Variants in ELAPOR1 observed in about 807,000 individuals in gnomAD.
The protein encoded by ELAPOR1 is endosome/lysosome-associated apoptosis and autophagy regulator 1.
In ELAPOR1, 77 loss-of-function variants were observed where a neutral mutation model predicts 119.7. The ratio of observed to expected loss-of-function variants is 0.64; its 90% CI spans 0.54 to 0.78. The LOEUF (loss-of-function observed/expected upper bound fraction) is 0.78. Ranked by LOEUF, ELAPOR1 falls within the 30% of genes least tolerant of loss-of-function variation. The pLI, the probability that ELAPOR1 is intolerant of heterozygous loss-of-function variation, is 0.00. For missense variants in ELAPOR1, 1,115 were observed against 1,270.4 expected, an observed-to-expected ratio of 0.88 and a Z score of 1.86; for synonymous variants, 481 against 487.2, an observed-to-expected ratio of 0.99 and a Z score of 0.17.
At chr1:109,147,813 A>G in intron 1 of ELAPOR1, among the ~76,000 whole-genome samples, 1 of 150,682 alleles carries the variant, frequency 6.6e-6, no homozygotes, top group East Asian at 1.9e-4. Context: ...ACTTTATTTT[A>G]TTATTATTAT....
chr1:109,122,000 C>T (rs983806712), intron 1 of ELAPOR1, among the ~76,000 whole-genome samples: 1 of 151,848 alleles, frequency 6.6e-6, no homozygotes, highest in Non-Finnish European at 1.5e-5. Flanking sequence ...TCTCAAACTC[C>T]TGACCTTGTG....
chr1:109,136,343 G>T (rs1469414952), intron 1 of ELAPOR1, among the ~76,000 whole-genome samples: 1 of 152,176 alleles, frequency 6.6e-6, no homozygotes, highest in Non-Finnish European at 1.5e-5. Flanking sequence ...TTGGAGTTAT[G>T]CTGCCACAAG....
Position 109,204,693 on chromosome 1 carries a change from A to T in ELAPOR1, c.*1681A>T, listed in dbSNP as rs1445832858. ...ACAGAATAAACGTCTAGGCTGGCCA[A>T]AAAAGGAACTGAATCCCAGGCCCAT... On this transcript the variant is annotated 3_prime_UTR_variant, in exon 22 of 22. Coordinates refer to ENST00000369939, the MANE Select transcript of ELAPOR1 (RefSeq NM_020775.5). 1 of 152,324 alleles carries T rather than the reference A, an allele frequency of 6.6e-6. No homozygotes were observed. Among genetic ancestry groups the T allele is most frequent in the African/African-American group, 2.4e-5 (1 of 41,476 alleles). 9.4% of individuals were successfully genotyped at this position (152,324 alleles called of 1,614,324 possible).
chr1:109,159,173 G>T (rs1320687803), intron 1 of ELAPOR1, among the ~76,000 whole-genome samples: 1 of 152,154 alleles, frequency 6.6e-6, no homozygotes, highest in Admixed American at 6.5e-5. Context: ...GGATTACAGC[G>T]TGAGCCACCG....
At chr1:109,165,289 T>C (rs6662767) in intron 3 of ELAPOR1, among the ~76,000 whole-genome samples, 67,003 of 151,670 alleles carry the variant, frequency 0.44, 15,203 homozygotes, top group African/African-American at 0.56. Context: ...CCCTGTCTCA[T>C]TGAAAAACAA....
chr1:109,131,977 G>T (rs989003692), intron 1 of ELAPOR1, among the ~76,000 whole-genome samples: 1 of 152,194 alleles, frequency 6.6e-6, no homozygotes, highest in Admixed American at 6.5e-5. Context: ...AATGTGGTAA[G>T]GAGAAAGATT....
chr1:109,181,003 A>G (rs1293524081), intron 7 of ELAPOR1, among the ~76,000 whole-genome samples: 1 of 152,180 alleles, frequency 6.6e-6, no homozygotes, highest in Non-Finnish European at 1.5e-5. Context: ...TGGTACAGGT[A>G]ACACTCATAA....
intron 7 of ELAPOR1, among the ~76,000 whole-genome samples, chr1:109,184,507 C>G (rs1652930301): frequency 1.3e-5 from 2 of 152,262 alleles, no homozygotes; most frequent in South Asian, 4.1e-4. Context: ...AAGGAAATTT[C>G]CAAGGTGGAA....
chr1:109,131,946 C>G (rs1470047379), intron 1 of ELAPOR1, among the ~76,000 whole-genome samples: 1 of 152,118 alleles, frequency 6.6e-6, no homozygotes, highest in Non-Finnish European at 1.5e-5. Flanking sequence ...AGTTTGAGGC[C>G]AGACTTGGAG....
At chr1:109,133,666 A>T (rs1435694871) in intron 1 of ELAPOR1, among the ~76,000 whole-genome samples, 1 of 152,192 alleles carries the variant, frequency 6.6e-6, no homozygotes, top group East Asian at 1.9e-4. Flanking sequence ...TTTTTAGGCC[A>T]GGGTAATTTT....
chr1:109,129,678 G>C (rs1332676033), intron 1 of ELAPOR1, among the ~76,000 whole-genome samples: 1 of 152,186 alleles, frequency 6.6e-6, no homozygotes, highest in South Asian at 2.1e-4. Flanking sequence ...GCAGCCTCTG[G>C]AGACGGGCTT....
chr1:109,157,856 C>T (rs1650977687), intron 1 of ELAPOR1, among the ~76,000 whole-genome samples: 1 of 152,152 alleles, frequency 6.6e-6, no homozygotes, highest in African/African-American at 2.4e-5. Context: ...AGCATCTAAC[C>T]CATAGATTAC....
intron 1 of ELAPOR1, among the ~76,000 whole-genome samples, chr1:109,148,083 C>A (rs1459481219): frequency 6.6e-6 from 1 of 151,686 alleles, no homozygotes; most frequent in African/African-American, 2.4e-5. Flanking sequence ...GTGATCCACC[C>A]GCCTCGGCCT....
At chr1:109,118,269 G>A (rs1005915249) in intron 1 of ELAPOR1, among the ~76,000 whole-genome samples, 1 of 152,200 alleles carries the variant, frequency 6.6e-6, no homozygotes, top group Non-Finnish European at 1.5e-5. Context: ...GGAGCTTGAC[G>A]AAAGGTCCAC....
Position 109,133,402 on chromosome 1 carries a change from A to G in ELAPOR1, c.153+19066A>G, listed in dbSNP as rs376077100. Among the ~76,000 whole-genome samples the G allele has an allele frequency of 5.9e-4, 90 of 152,348 alleles. 1 individual carries two copies. The East Asian group carries it at 0.012, about 20-fold the overall frequency. On this transcript the variant is annotated intron_variant, in intron 1 of 21. Coordinates refer to ENST00000369939, the MANE Select transcript of ELAPOR1 (RefSeq NM_020775.5). Reference sequence around the variant, plus strand: ...TGTAGTGCTCACAGCCCATGAAAAAAAACATGGGAAAATCATTTAGCAGGC... The same window carrying G: ...TGTAGTGCTCACAGCCCATGAAAAAGAACATGGGAAAATCATTTAGCAGGC...
chr1:109,117,911 C>T (rs1198420466), intron 1 of ELAPOR1, among the ~76,000 whole-genome samples: 3 of 152,048 alleles, frequency 2.0e-5, no homozygotes, highest in Non-Finnish European at 4.4e-5. Context: ...AGGTGGATCA[C>T]CTGAGGTTGG....
In ELAPOR1 at chr1:109,151,046, A is replaced by G. The variant is rs539426257; in HGVS notation, c.154-10848A>G. On this transcript the variant is annotated intron_variant, in intron 1 of 21. Coordinates refer to ENST00000369939, the MANE Select transcript of ELAPOR1 (RefSeq NM_020775.5). ...TCTGGCCGTATATGGGCAATGATCCATGGGCCATAGGTTAAGGACCCCTGT... is the reference window on the plus strand; with the variant it reads ...TCTGGCCGTATATGGGCAATGATCCGTGGGCCATAGGTTAAGGACCCCTGT... Among the ~76,000 whole-genome samples the G allele has an allele frequency of 3.3e-5, 5 of 152,292 alleles. No individual in the cohort carries two copies. The South Asian group carries it at 1.0e-3, about 32-fold the overall frequency.
At chr1:109,125,183 C>G (rs1648692214) in intron 1 of ELAPOR1, among the ~76,000 whole-genome samples, 1 of 151,998 alleles carries the variant, frequency 6.6e-6, no homozygotes, top group Non-Finnish European at 1.5e-5. Context: ...CCCACCTCGG[C>G]CTCCCAAAGT....
chr1:109,137,014 G>C (rs1191830167), intron 1 of ELAPOR1, among the ~76,000 whole-genome samples: 1 of 152,158 alleles, frequency 6.6e-6, no homozygotes, highest in Non-Finnish European at 1.5e-5. Context: ...AAAGGACGGG[G>C]AAAAGGGCAC....
Sources: gnomAD v4.1 joint callset for allele counts (sites outside exome capture counted in the v4.1 genomes callset) on GRCh38, gnomAD v4.1.1 for gene constraint, MANE v1.5 for transcripts, NCBI Gene and HGNC (gene_info 2026-07-23, HGNC 2026-07-21) for gene names.